The following DHRSX variants were observed in gnomAD, a reference collection of about 807,000 sequenced individuals.
DHRSX encodes the protein dehydrogenase/reductase X-linked.
In DHRSX, 31 loss-of-function variants were observed where a neutral mutation model predicts 34.0. The ratio of observed to expected loss-of-function variants is 0.91; its 90% CI spans 0.69 to 1.23. The LOEUF is 1.23. Ranked by LOEUF, DHRSX falls within the 50% of genes most tolerant of loss-of-function variation. The pLI is 0.00. For synonymous variants in DHRSX, 201 were observed against 183.8 expected, an observed-to-expected ratio of 1.09 and a Z score of -0.76; for missense variants, 414 against 428.1, an observed-to-expected ratio of 0.97 and a Z score of 0.29.
chrX:2,385,110 A>ATATGTG (rs1458519529), intron 3 of DHRSX, among the ~76,000 whole-genome samples: 5 of 146,610 alleles, frequency 3.4e-5, no homozygotes, highest in East Asian at 4.1e-4. Flanking sequence ...TCAAATATAT[A>ATATGTG]TGTGTGTGTG....
At chrX:2,306,991 G>A (rs2042106101) in intron 3 of DHRSX, among the ~76,000 whole-genome samples, 1 of 146,622 alleles carries the variant, frequency 6.8e-6, no homozygotes, top group Non-Finnish European at 1.5e-5. Context: ...AACTTGTCAT[G>A]AAATGAGTCT....
intron 1 of DHRSX, chrX:2,488,848 G>A (rs138416455): frequency 6.3e-4 from 1,015 of 1,613,704 alleles, no homozygotes; most frequent in Non-Finnish European, 7.7e-4. Flanking sequence ...CGTTGGCGGC[G>A]GATCCGAAGA....
At chrX:2,393,145 T>C (rs1226908001) in intron 3 of DHRSX, among the ~76,000 whole-genome samples, 1 of 148,186 alleles carries the variant, frequency 6.7e-6, no homozygotes, top group Non-Finnish European at 1.5e-5. Flanking sequence ...ATATGCTTTA[T>C]AATAATAAAT....
chrX:2,409,577 C>T (rs2043600701), intron 2 of DHRSX, among the ~76,000 whole-genome samples: 2 of 152,122 alleles, frequency 1.3e-5, no homozygotes, highest in African/African-American at 4.8e-5. Flanking sequence ...ATTTCTTACT[C>T]CTCTCACTGC....
At chrX:2,384,996 G>A (rs1351300814) in intron 3 of DHRSX, among the ~76,000 whole-genome samples, 5 of 151,740 alleles carry the variant, frequency 3.3e-5, no homozygotes, top group Non-Finnish European at 7.4e-5. Flanking sequence ...CCAGCTGCTC[G>A]GGAGGCTGAG....
intron 3 of DHRSX, among the ~76,000 whole-genome samples, chrX:2,315,711 G>C (rs1224117170): frequency 6.6e-6 from 1 of 152,104 alleles, no homozygotes; most frequent in Admixed American, 6.6e-5. Context: ...ATTGGGTTTA[G>C]ATTAACAGGA....
intron 1 of DHRSX, among the ~76,000 whole-genome samples, chrX:2,466,933 C>A (rs778758581): frequency 5.7e-4 from 87 of 152,068 alleles, no homozygotes; most frequent in African/African-American, 2.0e-3. Flanking sequence ...GGCATGGTAG[C>A]GCACACCTAT....
intron 5 of DHRSX, among the ~76,000 whole-genome samples, chrX:2,261,087 G>A (rs1390781552): frequency 6.6e-6 from 1 of 152,038 alleles, no homozygotes; most frequent in Non-Finnish European, 1.5e-5. Context: ...GTGCATGCCT[G>A]TAATCCCAGC....
chrX:2,239,741 C>G (rs2016097707), intron 6 of DHRSX, among the ~76,000 whole-genome samples: 2 of 151,840 alleles, frequency 1.3e-5, no homozygotes, highest in Admixed American at 6.6e-5. Context: ...CGCACTCCAG[C>G]CTGGGCAACA....
In DHRSX at chrX:2,467,941, C is replaced by T. The variant is rs765484839; in HGVS notation, c.109+32876G>A. Among the ~76,000 whole-genome samples the T allele has an allele frequency of 7.6e-4, 109 of 143,652 alleles. 1 individual carries two copies. Among genetic ancestry groups the T allele is most frequent in the African/African-American group, 2.3e-3 (86 of 37,980 alleles). 94.2% of individuals were successfully genotyped at this position (143,652 alleles called of 152,430 possible). A position where few individuals can be genotyped will look rare whatever the true frequency, so the allele number is the denominator to read the frequency against. Reference sequence around the variant, plus strand: ...TCACACCACTGCACTCCAGCCTGGGCGACACAGTAAAACTCCGTCTCAAAA... The same window carrying T: ...TCACACCACTGCACTCCAGCCTGGGTGACACAGTAAAACTCCGTCTCAAAA... On this transcript the variant is annotated intron_variant, in intron 1 of 6. Coordinates refer to ENST00000334651, the MANE Select transcript of DHRSX (RefSeq NM_145177.3).
intron 3 of DHRSX, among the ~76,000 whole-genome samples, chrX:2,294,982 G>A (rs993890529): frequency 1.3e-5 from 2 of 152,144 alleles, no homozygotes; most frequent in African/African-American, 4.8e-5. Context: ...TGGTAGGAGT[G>A]TAAATTAGTT....
At chrX:2,288,929 T>G (rs1171482433) in intron 4 of DHRSX, among the ~76,000 whole-genome samples, 2 of 152,188 alleles carry the variant, frequency 1.3e-5, no homozygotes, top group Non-Finnish European at 2.9e-5. Context: ...ATCCTAGGAA[T>G]GCAATAGCCA....
chrX:2,349,030 G>A, intron 3 of DHRSX, among the ~76,000 whole-genome samples: 1 of 152,224 alleles, frequency 6.6e-6, no homozygotes, highest in East Asian at 1.9e-4. Context: ...CAGGGAAGAA[G>A]AAAACTTGTG....
intron 1 of DHRSX, among the ~76,000 whole-genome samples, chrX:2,431,963 C>T (rs1425191479): frequency 1.3e-5 from 2 of 152,048 alleles, no homozygotes; most frequent in African/African-American, 2.4e-5. Flanking sequence ...GAGGCCGAGA[C>T]GGGTGGATCA....
At chrX:2,392,669 A>T (rs1466863059) in intron 3 of DHRSX, among the ~76,000 whole-genome samples, 1 of 145,966 alleles carries the variant, frequency 6.9e-6, no homozygotes, top group Non-Finnish European at 1.5e-5. Context: ...ATAAAATAAT[A>T]TATACATAAA....
chrX:2,432,243 GA>G lies in DHRSX; in HGVS notation c.110-6940del, dbSNP rs754904118. Reference sequence around the variant, plus strand: ...AAAAATAAAATAGAAGTTGGAGGGGGAAAAAAAATCTAAACTGATACAATCC... The same window carrying G: ...AAAAATAAAATAGAAGTTGGAGGGGGAAAAAAATCTAAACTGATACAATCC... On this transcript the variant is annotated intron_variant, in intron 1 of 6. Transcript: ENST00000334651. Among the ~76,000 whole-genome samples the G allele has an allele frequency of 2.9e-4, 44 of 151,192 alleles. No individual in the cohort carries two copies. In the East Asian group the frequency reaches 5.2e-3, roughly 18 times the overall value.
chrX:2,304,219 G>GGATA (rs2042068968), intron 3 of DHRSX, among the ~76,000 whole-genome samples: 1 of 132,258 alleles, frequency 7.6e-6, no homozygotes, highest in African/African-American at 3.0e-5. Context: ...ATGGATGGAT[G>GGATA]GATGGATGGA....
chrX:2,464,346 G>A (rs1263192043), intron 1 of DHRSX, among the ~76,000 whole-genome samples: 1 of 80,302 alleles, frequency 1.2e-5, no homozygotes. Context: ...ATCCGGCCAA[G>A]GGCCGCTGAT....
At chrX:2,401,514 G>T (rs1237368764) in intron 3 of DHRSX, among the ~76,000 whole-genome samples, 1 of 152,176 alleles carries the variant, frequency 6.6e-6, no homozygotes, top group Admixed American at 6.5e-5. Flanking sequence ...CACAGCACGT[G>T]TCTAGTCTGA....
Sources: allele counts gnomAD v4.1 joint callset (sites outside exome capture counted in the v4.1 genomes callset), GRCh38; gene constraint gnomAD v4.1.1; transcripts MANE v1.5; gene names NCBI Gene and HGNC (gene_info 2026-07-23, HGNC 2026-07-21).